SLC12A5: variants seen among roughly 807,000 people sequenced by gnomAD.
SLC12A5 encodes the protein solute carrier family 12 member 5.
SLC12A5 carries 18 observed loss-of-function variants against 124.0 expected under a neutral mutation model. That is an observed-to-expected ratio of 0.15 (90% CI 0.10 to 0.22). SLC12A5 has a LOEUF of 0.22. SLC12A5 is among the 10% of genes least tolerant of loss of function. The pLI is 1.00. For missense variants in SLC12A5, 867 were observed against 1,478.7 expected (o/e 0.59, Z 6.78); for synonymous variants, 589 against 568.0 (o/e 1.04, Z -0.53).
At chr20:46,043,053 T>C (rs1274642421) in intron 8 of SLC12A5, 100 bp from the exon 9 acceptor site, 1 of 1,131,564 alleles carries the variant, frequency 8.8e-7, no homozygotes, top group African/African-American at 1.6e-5. Flanking sequence ...TGAGATGGGG[T>C]TGATCTTGAC....
intron 13 of SLC12A5, 72 bp downstream of exon 13, chr20:46,046,068 T>C: frequency 7.1e-7 from 1 of 1,410,760 alleles, no homozygotes; most frequent in Non-Finnish European, 1.0e-6. Context: ...AGCCGTTACC[T>C]GTGACAACCC....
intron 16 of SLC12A5, among the ~76,000 whole-genome samples, chr20:46,048,933 G>T (rs1247831991): frequency 6.6e-6 from 1 of 151,850 alleles, no homozygotes; most frequent in African/African-American, 2.4e-5. Flanking sequence ...CAGACCTGGA[G>T]ATGGAATCCT....
At position 46,049,637 on chromosome 20, in the gene SLC12A5, G is replaced by A. The variant is rs141236407; in HGVS notation, c.2028G>A (p.Val676=). Residue 676 remains valine, a synonymous_variant, in exon 17 of 26, where the codon GTG becomes GTA. Coordinates refer to ENST00000243964, the MANE Select transcript of SLC12A5 (RefSeq NM_020708.5). Reference sequence around the variant, plus strand: ...CACTCTTCAGGCCACAGCTGCTGGTGCTGGTGCGTGTGGACCAAGACCAGA... The same window carrying A: ...CACTCTTCAGGCCACAGCTGCTGGTACTGGTGCGTGTGGACCAAGACCAGA... ...HTKNWRPQLL[V]LVRVDQDQNV... is the part of the protein sequence containing the mutation. 19 of 1,604,416 alleles carry A rather than the reference G, an allele frequency of 1.2e-5. No individual in the cohort carries two copies. Among genetic ancestry groups the A allele is most frequent in the Non-Finnish European group, 1.6e-5 (19 of 1,175,650 alleles).
In SLC12A5 at chr20:46,043,665, C is replaced by T. The variant is rs6094245; in HGVS notation, c.1270C>T (p.Leu424=). ...GGCTGGTTCTAACCGCTCTGGGGAC[C>T]TGAGGGATGCCCAGAAGTCAATCCC... ...IMAGSNRSGD[L]RDAQKSIPTG... Residue 424 remains leucine (L), a synonymous_variant, in exon 10 of 26, where the codon CTG becomes TTG. Transcript: ENST00000243964. 6.2e-7 allele frequency: 1 copy of T among 1,614,160 alleles called. No homozygotes were observed.
chr20:46,022,890 G>T (rs1240789365), intron 1 of SLC12A5: 1 of 396,782 alleles, frequency 2.5e-6, no homozygotes. Flanking sequence ...TGGCTCTGAG[G>T]CCCTCGGGTC....
At chr20:46,036,927 C>A in intron 5 of SLC12A5, 132 bp downstream of exon 5, 1 of 1,226,894 alleles carries the variant, frequency 8.2e-7, no homozygotes, top group African/African-American at 1.5e-5. Context: ...TATCTGTTTT[C>A]AGCCCTATTG....
intron 2 of SLC12A5, 92 bp downstream of exon 2, chr20:46,035,134 T>G: frequency 5.4e-6 from 7 of 1,290,112 alleles, no homozygotes; most frequent in Non-Finnish European, 5.6e-6. Context: ...AGCAATACCC[T>G]CGTCTCCACC....
rs1215826335 is a variant in SLC12A5, at chr20:46,056,794, A to C, written c.3111-103A>C. The C allele has an allele frequency of 3.8e-6, 5 of 1,322,214 alleles. No homozygotes were observed. Among genetic ancestry groups the C allele is most frequent in the Non-Finnish European group, 5.4e-6 (5 of 919,680 alleles). 81.9% of individuals were successfully genotyped at this position (1,322,214 alleles called of 1,614,324 possible). ...TGAAGGGTGTGGGGGCTGGCAGAGCAGGACTCAGGGCAGATGACCATGGCC... is the reference window on the plus strand; with the variant it reads ...TGAAGGGTGTGGGGGCTGGCAGAGCCGGACTCAGGGCAGATGACCATGGCC... On this transcript the variant is annotated intron_variant, in intron 23 of 25. Coordinates refer to ENST00000243964, the MANE Select transcript of SLC12A5 (RefSeq NM_020708.5). The surrounding 1 kb of genome is among the most constrained non-coding windows in gnomAD (Gnocchi z 4.3).
intron 6 of SLC12A5, chr20:46,038,452 G>C (rs1231038020): frequency 6.6e-6 from 1 of 152,140 alleles, no homozygotes; most frequent in Non-Finnish European, 1.5e-5. Flanking sequence ...GCCTCCCAAA[G>C]TGTTGGGATG....
downstream of SLC12A5, among the ~76,000 whole-genome samples, chr20:46,024,159 G>GTGTT (rs1373398982): frequency 1.3e-5 from 2 of 152,028 alleles, no homozygotes; most frequent in East Asian, 3.9e-4. Context: ...GTGTGTGTGT[G>GTGTT]TGTGTGTGTG....
intron 1 of SLC12A5, among the ~76,000 whole-genome samples, chr20:46,031,765 C>A (rs2084451854): frequency 6.6e-6 from 1 of 152,204 alleles, no homozygotes; most frequent in African/African-American, 2.4e-5. Flanking sequence ...AAAGCCGATT[C>A]GGGTTGAGAG....
At chr20:46,040,318 G>C (rs536857844) in intron 6 of SLC12A5, 55 bp from the exon 7 acceptor site, 1 of 1,600,910 alleles carries the variant, frequency 6.2e-7, no homozygotes, top group Non-Finnish European at 8.5e-7. Context: ...AGCGCTGCAT[G>C]TAGTGCAAAG....
intron 1 of SLC12A5, chr20:46,022,126 G>T: frequency 2.2e-6 from 1 of 459,942 alleles, no homozygotes; most frequent in Non-Finnish European, 3.7e-6. Flanking sequence ...GAAAGGGGTG[G>T]GGCCAGGGAA....
chr20:46,048,290 A>G (rs1193647924), intron 16 of SLC12A5, among the ~76,000 whole-genome samples: 1 of 152,092 alleles, frequency 6.6e-6, no homozygotes, highest in Non-Finnish European at 1.5e-5. Flanking sequence ...GGGTATGTAA[A>G]TGTCCACATA....
In SLC12A5 at chr20:46,058,821, C is replaced by A; in HGVS notation, c.*1216C>A. ...GCCCGTGATGTTCCTCCCCCGTCCCCATCTGGCAGCTCCTGTCTCGCCTGA... is the reference window on the plus strand; with the variant it reads ...GCCCGTGATGTTCCTCCCCCGTCCCAATCTGGCAGCTCCTGTCTCGCCTGA... On this transcript the variant is annotated 3_prime_UTR_variant, in exon 26 of 26. Transcript: ENST00000243964. The surrounding 1 kb of genome is among the most constrained non-coding windows in gnomAD (Gnocchi z 5.8). 1 of 397,956 alleles carries A rather than the reference C, an allele frequency of 2.5e-6. No individual in the cohort carries two copies. Among genetic ancestry groups the A allele is most frequent in the Non-Finnish European group, 4.4e-6 (1 of 226,142 alleles). 24.7% of individuals were successfully genotyped at this position (397,956 alleles called of 1,614,324 possible). A position where few individuals can be genotyped will look rare whatever the true frequency, so the allele number is the denominator to read the frequency against.
chr20:46,035,368 C>T (rs767561604), intron 2 of SLC12A5, 36 bp from the exon 3 acceptor site: 16 of 1,591,212 alleles, frequency 1.0e-5, no homozygotes, highest in Non-Finnish European at 6.9e-6. Context: ...CCACTTGCTC[C>T]CCCAGCCTCC....
intron 1 of SLC12A5, chr20:46,022,910 C>T (rs2084366659): frequency 5.3e-6 from 2 of 378,136 alleles, no homozygotes; most frequent in African/African-American, 2.3e-5. Context: ...CTGGAAGGAA[C>T]AAGGCGAATC....
At chr20:46,049,199 G>A (rs370430227) in intron 16 of SLC12A5, among the ~76,000 whole-genome samples, 66 of 152,288 alleles carry the variant, frequency 4.3e-4, no homozygotes, top group African/African-American at 1.4e-3. Context: ...GTTGATAGGT[G>A]GTTGGAGGAC....
rs752986015 is a variant in SLC12A5 at position 46,045,833 on chromosome 20, G to A, written c.1570-45G>A. ...TCCCGAGGCTAGGGGAGAGGGCTGA[G>A]AAATCCTTGAGGTCTCAGTCCCATG... On this transcript the variant is annotated intron_variant, in intron 12 of 25. Transcript: ENST00000243964. This position sits in a 1 kb window ranked among gnomAD's most constrained non-coding sequence, Gnocchi z 4.9. The A allele has an allele frequency of 1.9e-6, 3 of 1,549,634 alleles. No homozygotes were observed. Among genetic ancestry groups the A allele is most frequent in the Non-Finnish European group, 2.7e-6 (3 of 1,123,446 alleles).
Sources: gnomAD v4.1 joint callset for allele counts (sites outside exome capture counted in the v4.1 genomes callset) on GRCh38, gnomAD v4.1.1 for gene constraint, Gnocchi (gnomAD v3.1) non-coding constraint, MANE v1.5 for transcripts, NCBI Gene and HGNC (gene_info 2026-07-23, HGNC 2026-07-21) for gene names.